PHACTR4: variants seen among roughly 807,000 people sequenced by gnomAD.
PHACTR4 encodes phosphatase and actin regulator 4.
Under a neutral mutation model 72.7 loss-of-function variants are expected in PHACTR4, and 51 were observed. The ratio of observed to expected loss-of-function variants is 0.70; its 90% confidence interval spans 0.56 to 0.89. The LOEUF (loss-of-function observed/expected upper bound fraction) is 0.89, where lower values mean the gene tolerates loss of function less well. Among genes scored for constraint, PHACTR4 ranks in the 40% least tolerant of loss-of-function variants. PHACTR4 has a pLI of 0.00. For missense variants in PHACTR4, 731 were observed against 861.8 expected, an observed-to-expected ratio of 0.85 and a Z score of 1.90; for synonymous variants, 255 against 302.5, an observed-to-expected ratio of 0.84 and a Z score of 1.63.
intron 13 of PHACTR4, among the ~76,000 whole-genome samples, chr1:28,496,127 G>A (rs1212752070): frequency 1.3e-5 from 2 of 148,586 alleles, no homozygotes; most frequent in Admixed American, 1.4e-4. Flanking sequence ...CGCGATCTCG[G>A]CTCACTGCAA....
At chr1:28,408,670 A>AT (rs202189621) in intron 2 of PHACTR4, among the ~76,000 whole-genome samples, 9,329 of 149,756 alleles carry the variant, frequency 0.062, 711 homozygotes, top group East Asian at 0.34. Flanking sequence ...ATATATATAT[A>AT]TTTTTTTTTA....
intron 2 of PHACTR4, among the ~76,000 whole-genome samples, chr1:28,424,312 C>G (rs879324401): frequency 1.3e-5 from 2 of 152,116 alleles, no homozygotes; most frequent in Non-Finnish European, 2.9e-5. Context: ...CTGCCTCAGC[C>G]TCCTGTGTAG....
At position 28,497,977 on chromosome 1, in the gene PHACTR4, CAG is replaced by C. The variant is rs1278259419; in HGVS notation, c.*1431_*1432del. 7.0e-6 allele frequency: 1 copy of C among 142,934 alleles called. No individual in the cohort carries two copies. The highest frequency in any genetic ancestry group is 2.7e-5 in the African/African-American group (1 of 36,834). The allele number at this position is 142,934 out of a possible 1,614,324, so 8.9% of individuals were successfully genotyped here. Reference sequence around the variant, plus strand: ...CGCCACTGCACTCCAGCCTGGGTGACAGAGCGAGACTCCGTCTCAAAAAAAAA... The same window carrying C: ...CGCCACTGCACTCCAGCCTGGGTGACAGCGAGACTCCGTCTCAAAAAAAAA... On this transcript the variant is annotated 3_prime_UTR_variant, in exon 14 of 14. Coordinates refer to ENST00000373839, the MANE Select transcript of PHACTR4 (RefSeq NM_001048183.3).
In PHACTR4 at chr1:28,442,872, A is replaced by G. The variant is rs115031842; in HGVS notation, c.17-16213A>G. ...CTACATAATGGATATTTCCATATGT[A>G]TGATGTGATTAGATTAGGGTAATTA... On this transcript the variant is annotated intron_variant, in intron 2 of 13. Coordinates refer to ENST00000373839, the MANE Select transcript of PHACTR4 (RefSeq NM_001048183.3). 5.0e-3 allele frequency among the ~76,000 whole-genome samples: 758 copies of G among 152,248 alleles called. 5 individuals carry two copies. Among genetic ancestry groups the G allele is most frequent in the African/African-American group, 0.017 (710 of 41,542 alleles).
At chr1:28,480,636 T>G in intron 9 of PHACTR4, 32 bp downstream of exon 9, 1 of 1,612,268 alleles carries the variant, frequency 6.2e-7, no homozygotes. Flanking sequence ...CTTGATTGAT[T>G]TGGTTATGCC....
At chr1:28,476,017 C>T in intron 7 of PHACTR4, 90 bp from the exon 8 acceptor site, 4 of 1,277,576 alleles carry the variant, frequency 3.1e-6, no homozygotes, top group Non-Finnish European at 4.2e-6. Context: ...CATGAGCCAC[C>T]ACGCCCAGTC....
intron 1 of PHACTR4, among the ~76,000 whole-genome samples, chr1:28,387,241 CAG>C (rs1385215206): frequency 8.2e-6 from 1 of 121,498 alleles, no homozygotes; most frequent in African/African-American, 3.4e-5. Flanking sequence ...AGTGTGGCAA[CAG>C]AGCGAGACCC....
chr1:28,391,393 T>G (rs568058018), intron 1 of PHACTR4, among the ~76,000 whole-genome samples: 3 of 150,814 alleles, frequency 2.0e-5, no homozygotes, highest in Non-Finnish European at 4.4e-5. Flanking sequence ...AGGGAGATTC[T>G]GTCTCAAAAA....
intron 9 of PHACTR4, among the ~76,000 whole-genome samples, chr1:28,486,849 A>G (rs1488513517): frequency 6.7e-6 from 1 of 150,022 alleles, no homozygotes; most frequent in Admixed American, 6.7e-5. Flanking sequence ...ACAGAGTGAG[A>G]CTCTGTCTCA....
intron 2 of PHACTR4, among the ~76,000 whole-genome samples, chr1:28,409,742 T>C (rs1401402475): frequency 6.6e-6 from 1 of 152,110 alleles, no homozygotes; most frequent in African/African-American, 2.4e-5. Context: ...AGAGCTTTTG[T>C]CTTGCTTTGA....
rs1442192036 is a variant in PHACTR4 at position 28,496,672 on chromosome 1, G to A, written c.*123G>A. 7.1e-6 allele frequency: 8 copies of A among 1,130,048 alleles called. No homozygotes were observed. In the Admixed American group the frequency reaches 8.6e-5, roughly 12 times the overall value. 70.0% of individuals were successfully genotyped at this position (1,130,048 alleles called of 1,614,324 possible). ...AATTGCATCCTCTGGGATCTTCTGAGGTGGACAGCACTTTGAATGTAGCAT... is the reference window on the plus strand; with the variant it reads ...AATTGCATCCTCTGGGATCTTCTGAAGTGGACAGCACTTTGAATGTAGCAT... On this transcript the variant is annotated 3_prime_UTR_variant, in exon 14 of 14. Transcript: ENST00000373839.
At chr1:28,462,544 T>C (rs1658889394) in intron 4 of PHACTR4, among the ~76,000 whole-genome samples, 1 of 152,070 alleles carries the variant, frequency 6.6e-6, no homozygotes, top group South Asian at 2.1e-4. Context: ...ATTTTTGTAT[T>C]TTTAATAGAC....
intron 1 of PHACTR4, among the ~76,000 whole-genome samples, chr1:28,394,962 G>A (rs1653376667): frequency 6.7e-6 from 1 of 149,898 alleles, no homozygotes; most frequent in Non-Finnish European, 1.5e-5. Context: ...TGACCAGGCT[G>A]GAGTACAGTG....
At chr1:28,436,581 C>A (rs1489174874) in intron 2 of PHACTR4, among the ~76,000 whole-genome samples, 1 of 152,084 alleles carries the variant, frequency 6.6e-6, no homozygotes, top group Non-Finnish European at 1.5e-5. Context: ...GTGTAAAACT[C>A]CTTAATATAT....
At chr1:28,423,990 G>A (rs2124350959) in intron 2 of PHACTR4, among the ~76,000 whole-genome samples, 1 of 151,992 alleles carries the variant, frequency 6.6e-6, no homozygotes, top group South Asian at 2.1e-4. Context: ...TTTTATTTAT[G>A]TTCTAATTTT....
At chr1:28,421,379 T>G (rs1239206050) in intron 2 of PHACTR4, among the ~76,000 whole-genome samples, 1 of 151,794 alleles carries the variant, frequency 6.6e-6, no homozygotes, top group African/African-American at 2.4e-5. Flanking sequence ...CGTTGAAGAT[T>G]CGTGGGTTTT....
Position 28,499,859 on chromosome 1 carries a change from G to A in PHACTR4, c.*3310G>A, listed in dbSNP as rs1661568968. 1 of 152,162 alleles carries A rather than the reference G, an allele frequency of 6.6e-6. No individual in the cohort carries two copies. The highest frequency in any genetic ancestry group is 6.5e-5 in the Admixed American group (1 of 15,270). 9.4% of individuals were successfully genotyped at this position (152,162 alleles called of 1,614,324 possible). On this transcript the variant is annotated 3_prime_UTR_variant, in exon 14 of 14. Transcript: ENST00000373839. ...AGTCTATTAGAGGTCTGGATATAAG[G>A]TAGCCACACAATAACTCTAACTTGA...
intron 4 of PHACTR4, among the ~76,000 whole-genome samples, chr1:28,462,197 G>A (rs1658862583): frequency 6.6e-6 from 1 of 151,590 alleles, no homozygotes; most frequent in Non-Finnish European, 1.5e-5. Context: ...TAGTAGAGTT[G>A]GGGTTTTCAC....
chr1:28,490,009 A>C (rs934257607), intron 10 of PHACTR4: 2 of 435,750 alleles, frequency 4.6e-6, no homozygotes, highest in Non-Finnish European at 9.1e-6. Flanking sequence ...CTTGAGCAAG[A>C]ATCTGCAGGC....
Sources: allele counts gnomAD v4.1 joint callset (sites outside exome capture counted in the v4.1 genomes callset), GRCh38; gene constraint gnomAD v4.1.1; transcripts MANE v1.5; gene names NCBI Gene and HGNC (gene_info 2026-07-23, HGNC 2026-07-21).